The following RGS6 variants were observed in gnomAD, a reference collection of about 807,000 sequenced individuals.
RGS6 encodes the protein regulator of G-protein signaling 6.
In RGS6, 30 loss-of-function variants were observed where a neutral mutation model predicts 78.5. The observed-to-expected ratio is 0.38, with a 90% CI of 0.29 to 0.52. RGS6 has a LOEUF of 0.52. RGS6 is among the 20% of genes least tolerant of loss of function. The probability of loss-of-function intolerance (pLI) is 0.85; values close to 1 mark genes in which losing one functional copy is unlikely to be tolerated. For synonymous variants in RGS6, 206 were observed against 206.0 expected (o/e 1.00, Z 0.00); for missense variants, 495 against 609.7 (o/e 0.81, Z 1.98).
chr14:72,334,174 T>A (rs963851446), intron 2 of RGS6, among the ~76,000 whole-genome samples: 53 of 152,222 alleles, frequency 3.5e-4, no homozygotes, highest in Admixed American at 1.0e-3. Context: ...TTGTGTGTGC[T>A]CACCCCTACA....
chr14:72,043,384 C>T (rs2092584103), intron 2 of RGS6, among the ~76,000 whole-genome samples: 1 of 152,114 alleles, frequency 6.6e-6, no homozygotes, highest in Non-Finnish European at 1.5e-5. Context: ...TATTCCTTCT[C>T]TATGAATAAC....
chr14:72,265,531 T>C lies in RGS6; in HGVS notation c.85-86564T>C, dbSNP rs148668051. The stretch of plus-strand genomic sequence containing the variant: ...GACAGGCTGCTTGATCTCATCCCAT[T>C]AGTAGTGACGTTGCTAGAGGTAGAG... On this transcript the variant is annotated intron_variant, in intron 2 of 17. Transcript: ENST00000553525. Among the ~76,000 whole-genome samples the C allele has an allele frequency of 3.0e-3, 462 of 152,242 alleles. 1 individual carries two copies. Among genetic ancestry groups the C allele is most frequent in the African/African-American group, 0.011 (446 of 41,540 alleles).
intron 3 of RGS6, among the ~76,000 whole-genome samples, chr14:72,442,605 A>G (rs2095245310): frequency 6.6e-6 from 1 of 152,234 alleles, no homozygotes; most frequent in South Asian, 2.1e-4. Context: ...CAATGACAAC[A>G]ATGATAAACT....
intron 3 of RGS6, among the ~76,000 whole-genome samples, chr14:72,427,997 GA>G (rs1441175545): frequency 1.3e-5 from 2 of 152,166 alleles, no homozygotes. Context: ...GGGAGCAGGT[GA>G]AAAGAACAAA....
chr14:72,129,570 G>C (rs967340597), intron 2 of RGS6, among the ~76,000 whole-genome samples: 1 of 152,146 alleles, frequency 6.6e-6, no homozygotes, highest in East Asian at 1.9e-4. Flanking sequence ...CTTGACATCT[G>C]TTCTGCAGTC....
At chr14:72,380,425 G>A (rs2085764132) in intron 3 of RGS6, among the ~76,000 whole-genome samples, 1 of 151,532 alleles carries the variant, frequency 6.6e-6, no homozygotes, top group African/African-American at 2.4e-5. Context: ...TCTGACAGGA[G>A]GTCAATATCC....
At chr14:72,575,376 G>C in the RGS6 span, among the ~76,000 whole-genome samples, 2 of 152,132 alleles carry the variant, frequency 1.3e-5, no homozygotes, top group African/African-American at 4.8e-5. Context: ...GCTGGGGACA[G>C]GTGCCCTTGT....
chr14:72,301,386 A>G (rs1249133504), intron 2 of RGS6, among the ~76,000 whole-genome samples: 1 of 152,112 alleles, frequency 6.6e-6, no homozygotes, highest in Non-Finnish European at 1.5e-5. Context: ...GCAACGTATC[A>G]TCAGTGAAGT....
At chr14:72,031,945 T>C (rs1443950438) in intron 2 of RGS6, among the ~76,000 whole-genome samples, 1 of 152,204 alleles carries the variant, frequency 6.6e-6, no homozygotes, top group East Asian at 1.9e-4. Flanking sequence ...TTATTAATAA[T>C]GCTGAAATGG....
chr14:72,178,748 A>G (rs1211815033), intron 2 of RGS6, among the ~76,000 whole-genome samples: 1 of 152,174 alleles, frequency 6.6e-6, no homozygotes, highest in African/African-American at 2.4e-5. Context: ...GTCGTGGACT[A>G]TGACAAAACA....
intron 2 of RGS6, among the ~76,000 whole-genome samples, chr14:72,076,954 A>T (rs1332609949): frequency 1.4e-5 from 2 of 147,200 alleles, no homozygotes; most frequent in African/African-American, 4.9e-5. Context: ...GCCAAATTTT[A>T]TATATATATA....
intron 3 of RGS6, among the ~76,000 whole-genome samples, chr14:72,385,192 T>C (rs1349089455): frequency 6.6e-6 from 1 of 152,206 alleles, no homozygotes; most frequent in African/African-American, 2.4e-5. Flanking sequence ...AAAGATTTTG[T>C]CAAAAAATAT....
At chr14:72,212,176 A>G (rs1402162085) in intron 2 of RGS6, among the ~76,000 whole-genome samples, 3 of 152,180 alleles carry the variant, frequency 2.0e-5, no homozygotes, top group Non-Finnish European at 2.9e-5. Context: ...AGACTCCTCA[A>G]TTGCACACAG....
At position 72,075,813 on chromosome 14, in the gene RGS6, C is replaced by T. The variant is rs115635979; in HGVS notation, c.84+110938C>T. On this transcript the variant is annotated intron_variant, in intron 2 of 17. Coordinates refer to ENST00000553525, the MANE Select transcript of RGS6 (RefSeq NM_001204424.2). ...CTGTCCTGGTACCTTACGTGACCTC[C>T]GGACGGCAGTGTCAGTGTTGGAAAT... Among the ~76,000 whole-genome samples the T allele has an allele frequency of 2.7e-3, 408 of 152,260 alleles. 2 individuals carry two copies. The highest frequency in any genetic ancestry group is 0.01 in the Middle Eastern group (3 of 294).
rs1237643246 is a variant in RGS6, at chr14:72,510,209, T to C, written c.1021T>C (p.Leu341=). 2.5e-6 allele frequency: 4 copies of C among 1,613,842 alleles called. No individual in the cohort carries two copies. The highest frequency in any genetic ancestry group is 1.3e-5 in the African/African-American group (1 of 74,902). The change falls in exon 14 of 18, where the codon TTG becomes CTG. Residue 341 remains leucine, a synonymous_variant. Coordinates refer to ENST00000553525, the MANE Select transcript of RGS6 (RefSeq NM_001204424.2). ...KRWGFSFDEI[L]KDQVGRDQFL... is the part of the protein sequence containing the mutation. ...ATGGGGCTTCTCTTTCGATGAGATA[T>C]TGAAGGACCAGGTGGGGCGGGACCA...
At position 72,380,751 on chromosome 14, in the gene RGS6, A is replaced by T. The variant is rs546767197; in HGVS notation, c.184+28557A>T. Among the ~76,000 whole-genome samples, 13 of 152,200 alleles carry T rather than the reference A, an allele frequency of 8.5e-5. No individual in the cohort carries two copies. The East Asian group carries it at 2.5e-3, about 29-fold the overall frequency. ...GTAAACTAGTAGAGCCACTATGGAG[A>T]ACAGTATGGAGGTTCCTCAAAACAC... On this transcript the variant is annotated intron_variant, in intron 3 of 17. Coordinates refer to ENST00000553525, the MANE Select transcript of RGS6 (RefSeq NM_001204424.2).
chr14:72,486,470 T>C (rs549367761), intron 12 of RGS6, among the ~76,000 whole-genome samples: 4 of 151,972 alleles, frequency 2.6e-5, no homozygotes, highest in Non-Finnish European at 5.9e-5. Context: ...CAAGCAGAAG[T>C]GAGCAGAAAC....
At chr14:72,386,635 G>A (rs2088157698) in intron 3 of RGS6, among the ~76,000 whole-genome samples, 1 of 152,206 alleles carries the variant, frequency 6.6e-6, no homozygotes, top group South Asian at 2.1e-4. Flanking sequence ...GCAAGGGGCA[G>A]GAGCTCAGAT....
chr14:71,903,743 T>C, the RGS6 span, among the ~76,000 whole-genome samples: 1 of 152,350 alleles, frequency 6.6e-6, no homozygotes, highest in South Asian at 2.1e-4. Flanking sequence ...CTTCTAAATA[T>C]AGTGAGACTG....
Sources: gnomAD v4.1 joint callset for allele counts (sites outside exome capture counted in the v4.1 genomes callset) on GRCh38, gnomAD v4.1.1 for gene constraint, MANE v1.5 for transcripts, NCBI Gene and HGNC (gene_info 2026-07-23, HGNC 2026-07-21) for gene names.